SNX31: variants seen among roughly 807,000 people sequenced by gnomAD.
SNX31 encodes the protein sorting nexin-31.
SNX31 carries 58 observed loss-of-function variants against 65.4 expected under a neutral mutation model. The observed-to-expected ratio is 0.89, with a 90% CI of 0.72 to 1.10. The LOEUF (loss-of-function observed/expected upper bound fraction) is 1.10, where lower values mean the gene tolerates loss of function less well. Ranked by LOEUF, SNX31 falls within the 50% of genes least tolerant of loss-of-function variation. SNX31 has a pLI of 0.00. For synonymous variants in SNX31, 181 were observed against 190.1 expected, an observed-to-expected ratio of 0.95 and a Z score of 0.39; for missense variants, 523 against 529.7, an observed-to-expected ratio of 0.99 and a Z score of 0.12.
In SNX31 at chr8:100,588,464, A is replaced by C. The variant is rs1015713745; in HGVS notation, c.1092+402T>G. On this transcript the variant is annotated intron_variant, in intron 11 of 13. Coordinates refer to ENST00000311812, the MANE Select transcript of SNX31 (RefSeq NM_152628.4). The surrounding 1 kb of genome is among the most constrained non-coding windows in gnomAD (Gnocchi z 4.8). The stretch of plus-strand genomic sequence containing the variant: ...AGACCACCATCTGTTTCTATAAATA[A>C]AGTTTTATTGGAACATAGCCAGACT... 1.3e-5 allele frequency among the ~76,000 whole-genome samples: 2 copies of C among 152,214 alleles called. No individual in the cohort carries two copies. The highest frequency in any genetic ancestry group is 2.9e-5 in the Non-Finnish European group (2 of 68,040).
chr8:100,611,248 C>A (rs1204034106), intron 7 of SNX31, among the ~76,000 whole-genome samples: 1 of 151,838 alleles, frequency 6.6e-6, no homozygotes, highest in African/African-American at 2.4e-5. Flanking sequence ...TAAATCAGAT[C>A]TGGTTGTAAT....
chr8:100,626,034 C>T lies in SNX31; in HGVS notation c.321+4293G>A, dbSNP rs1233948088. On this transcript the variant is annotated intron_variant, in intron 4 of 13. Transcript: ENST00000311812. This position sits in a 1 kb window ranked among gnomAD's most constrained non-coding sequence, Gnocchi z 4.4. ...CTGAGGTCAGGAGTTCAAGACCAGC[C>T]TGACCAACATGGAGAAACCCCATCT... 2.0e-5 allele frequency among the ~76,000 whole-genome samples: 3 copies of T among 152,152 alleles called. No individual in the cohort carries two copies. The highest frequency in any genetic ancestry group is 4.4e-5 in the Non-Finnish European group (3 of 68,028).
At chr8:100,601,023 T>C (rs1023489493) in intron 8 of SNX31, among the ~76,000 whole-genome samples, 2 of 152,146 alleles carry the variant, frequency 1.3e-5, no homozygotes, top group Non-Finnish European at 1.5e-5. Context: ...ATTGACAAAA[T>C]AGAGTTCCAA....
chr8:100,596,477 A>T (rs1815101609), intron 10 of SNX31, among the ~76,000 whole-genome samples, 162 bp downstream of exon 10: 1 of 152,176 alleles, frequency 6.6e-6, no homozygotes, highest in Admixed American at 6.5e-5. Flanking sequence ...GCATCAGACT[A>T]CAGATAGGTT....
chr8:100,625,524 T>C lies in SNX31; in HGVS notation c.321+4803A>G, dbSNP rs569973906. On this transcript the variant is annotated intron_variant, in intron 4 of 13. Coordinates refer to ENST00000311812, the MANE Select transcript of SNX31 (RefSeq NM_152628.4). The surrounding 1 kb of genome is among the most constrained non-coding windows in gnomAD (Gnocchi z 4.2). ...ATTCAACTCAAAAAGAGCACATATT[T>C]TGAAAAGTGTTAAGGTTCTGGGAAG... Among the ~76,000 whole-genome samples, 3 of 152,270 alleles carry C rather than the reference T, an allele frequency of 2.0e-5. No individual in the cohort carries two copies. The highest frequency in any genetic ancestry group is 7.2e-5 in the African/African-American group (3 of 41,560).
rs201491696 is a variant in SNX31, at chr8:100,630,408, G to T, written c.257-17C>A. On this transcript the variant is annotated splice_polypyrimidine_tract_variant and intron_variant, in intron 3 of 13. Coordinates refer to ENST00000311812, the MANE Select transcript of SNX31 (RefSeq NM_152628.4). This position sits in a 1 kb window ranked among gnomAD's most constrained non-coding sequence, Gnocchi z 5.3. ...CCATGGTTACTGAAAAACATGGACGGTGAGCCAGGTTAGCATGGGCTGGGC... is the reference window on the plus strand; with the variant it reads ...CCATGGTTACTGAAAAACATGGACGTTGAGCCAGGTTAGCATGGGCTGGGC... The T allele has an allele frequency of 1.8e-4, 285 of 1,609,732 alleles. 2 individuals carry two copies. The African/African-American group carries it at 3.5e-3, about 20-fold the overall frequency.
At chr8:100,652,508 C>A (rs1006793270), upstream of SNX31, among the ~76,000 whole-genome samples, 1 of 152,154 alleles carries the variant, frequency 6.6e-6, no homozygotes, top group Non-Finnish European at 1.5e-5. Context: ...GTCCCCTAAC[C>A]TTATGGAGCC....
At chr8:100,644,856 G>A (rs1819519585) in intron 2 of SNX31, among the ~76,000 whole-genome samples, 1 of 152,192 alleles carries the variant, frequency 6.6e-6, no homozygotes, top group African/African-American at 2.4e-5. Flanking sequence ...GTAGAGACGG[G>A]GTTTTACCAT....
chr8:100,635,893 A>G lies in SNX31; in HGVS notation c.256+4T>C, dbSNP rs1818736947. 1.9e-6 allele frequency: 3 copies of G among 1,602,450 alleles called. No homozygotes were observed. Among genetic ancestry groups the G allele is most frequent in the South Asian group, 1.1e-5 (1 of 90,760 alleles). ...GTTTTTTAAAAAACCCTGCAAATAC[A>G]TACCATTTTGCAAATATTGTTCCAG... On this transcript the variant is annotated splice_donor_region_variant and intron_variant, in intron 3 of 13. Coordinates refer to ENST00000311812, the MANE Select transcript of SNX31 (RefSeq NM_152628.4).
In SNX31 at chr8:100,612,766, G is replaced by C. The variant is rs1203531719; in HGVS notation, c.523+229C>G. Among the ~76,000 whole-genome samples, 2 of 152,068 alleles carry C rather than the reference G, an allele frequency of 1.3e-5. No homozygotes were observed. Among genetic ancestry groups the C allele is most frequent in the African/African-American group, 4.8e-5 (2 of 41,416 alleles). ...GAGGGGGTCAGGATTAGGGCTGGGG[G>C]TACACAAGTGCAGTTACTGGACCAC... On this transcript the variant is annotated intron_variant, in intron 6 of 13. Coordinates refer to ENST00000311812, the MANE Select transcript of SNX31 (RefSeq NM_152628.4). The surrounding 1 kb of genome is among the most constrained non-coding windows in gnomAD (Gnocchi z 4.3).
At chr8:100,652,861 A>G (rs923922746), upstream of SNX31, among the ~76,000 whole-genome samples, 6 of 152,096 alleles carry the variant, frequency 3.9e-5, no homozygotes, top group Admixed American at 2.0e-4. Flanking sequence ...GGCCCAGCCA[A>G]TGTGCATTAT....
chr8:100,631,446 T>TC (rs1563570274), intron 3 of SNX31, among the ~76,000 whole-genome samples: 1 of 150,422 alleles, frequency 6.6e-6, no homozygotes, highest in Non-Finnish European at 1.5e-5. Context: ...ACTTTTTTTT[T>TC]TTTTTTTTTG....
chr8:100,585,843 A>C (rs576596763), intron 11 of SNX31, among the ~76,000 whole-genome samples: 6 of 152,364 alleles, frequency 3.9e-5, no homozygotes, highest in Middle Eastern at 3.4e-3. Flanking sequence ...GGACTCTGCT[A>C]TAAACTGTCA....
exon 1 of SNX31, chr8:100,663,405 G>A (rs922722787): frequency 1.3e-5 from 2 of 152,206 alleles, no homozygotes. Flanking sequence ...TGAATGCACA[G>A]GGCTTTTGAG....
chr8:100,656,875 G>A (rs1215082058), intron 1 of SNX31, among the ~76,000 whole-genome samples: 1 of 152,078 alleles, frequency 6.6e-6, no homozygotes, highest in African/African-American at 2.4e-5. Flanking sequence ...CTCTTCATGT[G>A]TAATGGTTGC....
chr8:100,608,955 T>C (rs1272539241), intron 7 of SNX31, among the ~76,000 whole-genome samples: 1 of 152,126 alleles, frequency 6.6e-6, no homozygotes, highest in Non-Finnish European at 1.5e-5. Context: ...AGGGCCACCC[T>C]CATCTCTTGC....
rs76462967 is a variant in SNX31 at position 100,588,459 on chromosome 8, A to G, written c.1092+407T>C. On this transcript the variant is annotated intron_variant, in intron 11 of 13. Transcript: ENST00000311812. The surrounding 1 kb of genome is among the most constrained non-coding windows in gnomAD (Gnocchi z 4.8). The stretch of plus-strand genomic sequence containing the variant: ...AGGCCAGACCACCATCTGTTTCTAT[A>G]AATAAAGTTTTATTGGAACATAGCC... Among the ~76,000 whole-genome samples, 671 of 152,344 alleles carry G rather than the reference A, an allele frequency of 4.4e-3. 4 individuals carry two copies. Among genetic ancestry groups the G allele is most frequent in the African/African-American group, 0.015 (630 of 41,578 alleles).
At chr8:100,608,373 A>G in intron 8 of SNX31, 121 bp downstream of exon 8, 6 of 839,288 alleles carry the variant, frequency 7.1e-6, no homozygotes, top group Middle Eastern at 2.3e-4. Context: ...TTCTGTCTCT[A>G]TGAATGTGCC....
At chr8:100,596,273 A>C (rs369429640) in intron 10 of SNX31, among the ~76,000 whole-genome samples, 17 of 152,334 alleles carry the variant, frequency 1.1e-4, no homozygotes, top group Middle Eastern at 3.4e-3. Flanking sequence ...GTGTTGTAAG[A>C]AGAGCTCTGC....
Sources: gnomAD v4.1 joint callset for allele counts (sites outside exome capture counted in the v4.1 genomes callset) on GRCh38, gnomAD v4.1.1 for gene constraint, Gnocchi (gnomAD v3.1) non-coding constraint, MANE v1.5 for transcripts, NCBI Gene and HGNC (gene_info 2026-07-23, HGNC 2026-07-21) for gene names.